CTNND2: variants seen among roughly 807,000 people sequenced by gnomAD.
The protein encoded by CTNND2 is catenin delta-2.
CTNND2 carries 22 observed loss-of-function variants against 144.4 expected under a neutral mutation model. The ratio of observed to expected loss-of-function variants is 0.15; its 90% confidence interval spans 0.11 to 0.22. The LOEUF is 0.22. CTNND2 is among the 10% of genes least tolerant of loss of function. The probability of loss-of-function intolerance (pLI) is 1.00; values close to 1 mark genes in which losing one functional copy is unlikely to be tolerated. For missense variants in CTNND2, 1,353 were observed against 1,618.8 expected, an observed-to-expected ratio of 0.84 and a Z score of 2.82; for synonymous variants, 751 against 695.6, an observed-to-expected ratio of 1.08 and a Z score of -1.25.
chr5:11,476,997 G>A (rs893494413), intron 3 of CTNND2, among the ~76,000 whole-genome samples: 3 of 152,132 alleles, frequency 2.0e-5, no homozygotes, highest in African/African-American at 7.2e-5. Context: ...GGGATTCACA[G>A]TTAAGAACAC....
intron 2 of CTNND2, among the ~76,000 whole-genome samples, chr5:11,585,865 G>A (rs946236675): frequency 1.1e-4 from 17 of 152,128 alleles, no homozygotes; most frequent in Admixed American, 9.8e-4. Flanking sequence ...GGAGGGGCTA[G>A]GACGGTGCTT....
chr5:11,455,493 C>CT (rs1282686417), intron 3 of CTNND2, among the ~76,000 whole-genome samples: 2 of 152,200 alleles, frequency 1.3e-5, no homozygotes, highest in Admixed American at 6.5e-5. Context: ...CATCCCTACA[C>CT]TCATCATGGG....
chr5:11,288,752 G>C (rs1561158041), intron 9 of CTNND2, among the ~76,000 whole-genome samples: 1 of 148,714 alleles, frequency 6.7e-6, no homozygotes, highest in South Asian at 2.1e-4. Context: ...ATGTCACAAG[G>C]AATTCAATTA....
chr5:11,527,981 T>C (rs960404168), intron 3 of CTNND2, among the ~76,000 whole-genome samples: 2 of 152,152 alleles, frequency 1.3e-5, no homozygotes, highest in African/African-American at 4.8e-5. Context: ...GTAAATAAAC[T>C]AGAATAATAT....
chr5:11,206,405 T>C (rs1738053052), intron 10 of CTNND2, among the ~76,000 whole-genome samples: 1 of 152,192 alleles, frequency 6.6e-6, no homozygotes, highest in Non-Finnish European at 1.5e-5. Flanking sequence ...ACTTTACTCA[T>C]TAAGTGCACC....
At chr5:11,074,649 G>A (rs779403064) in intron 16 of CTNND2, among the ~76,000 whole-genome samples, 22 of 152,060 alleles carry the variant, frequency 1.4e-4, no homozygotes, top group Non-Finnish European at 2.2e-4. Context: ...TTGATATAAC[G>A]AAGATTTTCC....
intron 11 of CTNND2, among the ~76,000 whole-genome samples, chr5:11,186,246 A>C (rs776344619): frequency 3.2e-4 from 49 of 152,200 alleles, no homozygotes; most frequent in South Asian, 4.1e-4. Context: ...CATGCTCACA[A>C]AACACTCTCT....
intron 3 of CTNND2, among the ~76,000 whole-genome samples, chr5:11,448,249 A>G (rs1335148930): frequency 6.6e-6 from 1 of 152,240 alleles, no homozygotes; most frequent in East Asian, 1.9e-4. Context: ...GATGTACAAT[A>G]TTAGGTTGGA....
intron 11 of CTNND2, among the ~76,000 whole-genome samples, chr5:11,190,874 C>T (rs943513563): frequency 6.6e-6 from 1 of 152,206 alleles, no homozygotes; most frequent in Admixed American, 6.5e-5. Context: ...TAGTGCAATG[C>T]TTTCAGGTTC....
At chr5:11,516,941 T>C (rs1456218122) in intron 3 of CTNND2, among the ~76,000 whole-genome samples, 13 of 152,230 alleles carry the variant, frequency 8.5e-5, no homozygotes, top group Admixed American at 8.5e-4. Flanking sequence ...GTTGTTTATG[T>C]AGTTACTACC....
chr5:11,436,973 A>G (rs1228095755), intron 3 of CTNND2, among the ~76,000 whole-genome samples: 1 of 152,190 alleles, frequency 6.6e-6, no homozygotes, highest in African/African-American at 2.4e-5. Flanking sequence ...TAAGTATGCT[A>G]AAGACATATT....
At chr5:11,688,544 T>C (rs989980948) in intron 2 of CTNND2, among the ~76,000 whole-genome samples, 8 of 152,236 alleles carry the variant, frequency 5.3e-5, no homozygotes, top group African/African-American at 1.9e-4. Context: ...TAAGATTCTT[T>C]CATTTTACAA....
intron 3 of CTNND2, among the ~76,000 whole-genome samples, chr5:11,520,011 G>C (rs1439725686): frequency 3.3e-5 from 5 of 151,384 alleles, no homozygotes; most frequent in Non-Finnish European, 7.4e-5. Flanking sequence ...GCTGGGCGTG[G>C]TGGTGGGTGC....
At chr5:11,037,601 C>T (rs1250356222) in intron 16 of CTNND2, among the ~76,000 whole-genome samples, 1 of 152,176 alleles carries the variant, frequency 6.6e-6, no homozygotes, top group Admixed American at 6.5e-5. Flanking sequence ...GGATTAATTA[C>T]CTCAACAAAA....
intron 12 of CTNND2, among the ~76,000 whole-genome samples, chr5:11,136,580 A>T (rs1445762739): frequency 1.3e-5 from 2 of 152,146 alleles, no homozygotes; most frequent in Non-Finnish European, 2.9e-5. Context: ...TGTGTCACTC[A>T]TCTCTGACTC....
chr5:11,655,951 T>C (rs1336926657), intron 2 of CTNND2, among the ~76,000 whole-genome samples: 1 of 152,090 alleles, frequency 6.6e-6, no homozygotes, highest in East Asian at 1.9e-4. Context: ...CTTTGACTTA[T>C]TTCCATAATG....
At chr5:11,535,728 G>A (rs556840779) in intron 3 of CTNND2, among the ~76,000 whole-genome samples, 54 of 152,262 alleles carry the variant, frequency 3.5e-4, no homozygotes, top group South Asian at 3.1e-3. Flanking sequence ...TATACAATTC[G>A]TAAATACATA....
At chr5:11,294,225 T>G (rs557040142) in intron 9 of CTNND2, among the ~76,000 whole-genome samples, 11 of 151,586 alleles carry the variant, frequency 7.3e-5, no homozygotes, top group African/African-American at 2.7e-4. Context: ...ATGTCCTTGA[T>G]GTCGCAGTAA....
intron 15 of CTNND2, among the ~76,000 whole-genome samples, chr5:11,085,814 C>T (rs562119222): frequency 4.7e-4 from 71 of 152,264 alleles, no homozygotes; most frequent in African/African-American, 1.6e-3. Context: ...TGGACAAGCC[C>T]CCCTCCATGG....
Sources: allele counts gnomAD v4.1 joint callset (sites outside exome capture counted in the v4.1 genomes callset), GRCh38; gene constraint gnomAD v4.1.1; transcripts MANE v1.5; gene names NCBI Gene and HGNC (gene_info 2026-07-23, HGNC 2026-07-21).